MOB1A: variants seen among roughly 807,000 people sequenced by gnomAD.
MOB1A encodes MOB1 Mps One Binder homolog A.
In MOB1A, 10 loss-of-function variants were observed where a neutral mutation model predicts 25.1. The observed-to-expected ratio is 0.40, with a 90% CI of 0.25 to 0.68. The LOEUF (loss-of-function observed/expected upper bound fraction) is 0.68, where lower values mean the gene tolerates loss of function less well. Among genes scored for constraint, MOB1A ranks in the 30% least tolerant of loss-of-function variants. MOB1A has a pLI of 0.40. For missense variants in MOB1A, 177 were observed against 256.3 expected (o/e 0.69, Z 2.11); for synonymous variants, 81 against 79.5 (o/e 1.02, Z -0.10).
At chr2:74,172,813 A>C in intron 1 of MOB1A, 61 bp from the exon 2 acceptor site, 1 of 1,515,852 alleles carries the variant, frequency 6.6e-7, no homozygotes, top group Non-Finnish European at 9.0e-7. Flanking sequence ...CAGGTAGAAC[A>C]ACATAATTTT....
intron 1 of MOB1A, among the ~76,000 whole-genome samples, chr2:74,173,747 G>C (rs561923219): frequency 1.3e-5 from 2 of 149,114 alleles, no homozygotes; most frequent in Admixed American, 6.7e-5. Flanking sequence ...TCAGGAGATC[G>C]AGACCATCCT....
At chr2:74,158,951 A>C in intron 5 of MOB1A, 140 bp downstream of exon 5, 1 of 869,644 alleles carries the variant, frequency 1.1e-6, no homozygotes, top group Non-Finnish European at 1.8e-6. Context: ...AATAATGTGG[A>C]AAAGAGAACA....
At chr2:74,172,229 T>A (rs1693313395) in intron 2 of MOB1A, among the ~76,000 whole-genome samples, 1 of 152,232 alleles carries the variant, frequency 6.6e-6, no homozygotes, top group South Asian at 2.1e-4. Flanking sequence ...TGATGAGTAC[T>A]GCTGGGAGTG....
At chr2:74,170,343 T>C (rs536493892) in intron 2 of MOB1A, among the ~76,000 whole-genome samples, 1 of 152,090 alleles carries the variant, frequency 6.6e-6, no homozygotes, top group Non-Finnish European at 1.5e-5. Context: ...TTTACCATGT[T>C]GGCCAGGATG....
rs1692769539 is a variant in MOB1A, at chr2:74,155,198, T to C, written c.*1370A>G. Reference sequence around the variant, plus strand: ...TAATACTTGTTGTGCCTCAGTACATTTTAAATAGACAGCTAGAGTTTACTA... The same window carrying C: ...TAATACTTGTTGTGCCTCAGTACATCTTAAATAGACAGCTAGAGTTTACTA... On this transcript the variant is annotated 3_prime_UTR_variant, in exon 6 of 6. Coordinates refer to ENST00000396049, the MANE Select transcript of MOB1A (RefSeq NM_018221.5). 1 of 152,584 alleles carries C rather than the reference T, an allele frequency of 6.6e-6. No homozygotes were observed. The highest frequency in any genetic ancestry group is 2.4e-5 in the African/African-American group (1 of 41,464). The allele number at this position is 152,584 out of a possible 1,614,324, so 9.5% of individuals were successfully genotyped here.
At position 74,155,731 on chromosome 2, in the gene MOB1A, A is replaced by T. The variant is rs1692786847; in HGVS notation, c.*837T>A. The T allele has an allele frequency of 6.6e-6, 1 of 152,570 alleles. No homozygotes were observed. The highest frequency in any genetic ancestry group is 6.5e-5 in the Admixed American group (1 of 15,280). 9.5% of individuals were successfully genotyped at this position (152,570 alleles called of 1,614,324 possible). A position where few individuals can be genotyped will look rare whatever the true frequency, so the allele number is the denominator to read the frequency against. On this transcript the variant is annotated 3_prime_UTR_variant, in exon 6 of 6. Coordinates refer to ENST00000396049, the MANE Select transcript of MOB1A (RefSeq NM_018221.5). ...AAATAATAAAAATAGTGGTTTTGAG[A>T]TCTAAATTTATTAATATTTTGGATT...
In MOB1A at chr2:74,153,111, GGCTCAGTGTTTGGTGT is replaced by G. The variant is rs1404573267; in HGVS notation, c.*3441_*3456del. The stretch of plus-strand genomic sequence containing the variant: ...GGGGAAATAATGTGCCTGTTGAAGG[GGCTCAGTGTTTGGTGT>G]CCAGGCTGGCATTTTTCAGGTGAGG... On this transcript the variant is annotated 3_prime_UTR_variant, in exon 6 of 6. Transcript: ENST00000396049. 8 of 152,278 alleles carry G rather than the reference GGCTCAGTGTTTGGTGT, an allele frequency of 5.3e-5. No homozygotes were observed. The South Asian group carries it at 1.7e-3, about 32-fold the overall frequency. The allele number at this position is 152,278 out of a possible 1,614,324, so 9.4% of individuals were successfully genotyped here. A position where few individuals can be genotyped will look rare whatever the true frequency, so the allele number is the denominator to read the frequency against.
intron 4 of MOB1A, among the ~76,000 whole-genome samples, chr2:74,160,481 AAGACCAGCCTGGCCAAAG>A (rs1396358068): frequency 2.0e-5 from 3 of 152,120 alleles, no homozygotes; most frequent in Non-Finnish European, 1.5e-5. Flanking sequence ...TCAGGAGGTC[AAGACCAGCCTGGCCAAAG>A]AGACCAGCTT....
At position 74,176,535 on chromosome 2, in the gene MOB1A, T is replaced by C. The variant is rs139139126; in HGVS notation, c.14+2126A>G. ...ATCCCTGCACTTTGGGAGGCCGAGG[T>C]GGGCGGATCACTAGGTCAGGATATT... On this transcript the variant is annotated intron_variant, in intron 1 of 5. Transcript: ENST00000396049. Among the ~76,000 whole-genome samples, 1,213 of 151,368 alleles carry C rather than the reference T, an allele frequency of 8.0e-3. 14 individuals carry two copies. The highest frequency in any genetic ancestry group is 0.028 in the African/African-American group (1,155 of 41,276).
chr2:74,164,203 A>G (rs1693061027), intron 4 of MOB1A: 1 of 152,220 alleles, frequency 6.6e-6, no homozygotes, highest in South Asian at 2.1e-4. Flanking sequence ...TTTGGAAAAA[A>G]ATTAATGTAG....
At chr2:74,161,690 C>T (rs985318723) in intron 4 of MOB1A, among the ~76,000 whole-genome samples, 4 of 150,940 alleles carry the variant, frequency 2.7e-5, no homozygotes, top group African/African-American at 9.8e-5. Context: ...TGCAGTGGCT[C>T]ATGCCTGTAA....
chr2:74,173,975 T>C (rs1456004333), intron 1 of MOB1A, among the ~76,000 whole-genome samples: 1 of 87,522 alleles, frequency 1.1e-5, no homozygotes, highest in Non-Finnish European at 2.2e-5. Context: ...AAAAAGAAAA[T>C]GATGGGGCCA....
chr2:74,163,088 T>C (rs1331067065), intron 4 of MOB1A, among the ~76,000 whole-genome samples: 1 of 152,232 alleles, frequency 6.6e-6, no homozygotes, highest in South Asian at 2.1e-4. Context: ...GCAGAAATAC[T>C]AGAAGTACTT....
chr2:74,174,269 CA>C (rs760925429), intron 1 of MOB1A, among the ~76,000 whole-genome samples: 159 of 80,724 alleles, frequency 2.0e-3, no homozygotes, highest in South Asian at 4.8e-3. Flanking sequence ...GACTCCGTCT[CA>C]AAAAAAAAAA....
intron 4 of MOB1A, among the ~76,000 whole-genome samples, chr2:74,160,207 G>A (rs1158398378): frequency 2.0e-5 from 3 of 152,258 alleles, no homozygotes; most frequent in African/African-American, 4.8e-5. Context: ...CACTGGCTCC[G>A]TGTGGTGGCT....
Position 74,156,448 on chromosome 2 carries a change from C to G in MOB1A, c.*120G>C, listed in dbSNP as rs1216240907. The G allele has an allele frequency of 6.3e-6, 5 of 790,854 alleles. No homozygotes were observed. The African/African-American group carries it at 8.7e-5, about 14-fold the overall frequency. The allele number at this position is 790,854 out of a possible 1,614,324, so 49.0% of individuals were successfully genotyped here. ...GGATAATTTTATCAGTAGACACAGG[C>G]AATGGGTATCTTTTTATCCTGTTTT... On this transcript the variant is annotated 3_prime_UTR_variant, in exon 6 of 6. Coordinates refer to ENST00000396049, the MANE Select transcript of MOB1A (RefSeq NM_018221.5).
intron 2 of MOB1A, among the ~76,000 whole-genome samples, chr2:74,169,920 T>C (rs906716692): frequency 6.6e-6 from 1 of 152,038 alleles, no homozygotes; most frequent in Non-Finnish European, 1.5e-5. Flanking sequence ...TGAGCCACCA[T>C]GCCCAGCTTG....
chr2:74,177,334 C>A (rs1266005208), intron 1 of MOB1A, among the ~76,000 whole-genome samples: 3 of 151,830 alleles, frequency 2.0e-5, no homozygotes, highest in African/African-American at 7.3e-5. Flanking sequence ...GCCTGGAGGA[C>A]AGAGCGAAAC....
At chr2:74,176,575 T>C (rs1442917120) in intron 1 of MOB1A, among the ~76,000 whole-genome samples, 2 of 151,756 alleles carry the variant, frequency 1.3e-5, no homozygotes, top group Non-Finnish European at 2.9e-5. Context: ...CCATCTTGGC[T>C]AACACGGTGA....
Sources: allele counts gnomAD v4.1 joint callset (sites outside exome capture counted in the v4.1 genomes callset), GRCh38; gene constraint gnomAD v4.1.1; transcripts MANE v1.5; gene names NCBI Gene and HGNC (gene_info 2026-07-23, HGNC 2026-07-21).